The following SYNRG variants were observed in gnomAD, a reference collection of about 807,000 sequenced individuals.
SYNRG encodes the protein AP1 gamma subunit binding protein 1.
A neutral mutation model predicts 130.9 loss-of-function variants in SYNRG; 37 were observed. The observed-to-expected ratio is 0.28, with a 90% CI of 0.22 to 0.37. The LOEUF is 0.37. Ranked by LOEUF, SYNRG falls within the 10% of genes least tolerant of loss-of-function variation. The pLI is 1.00. For synonymous variants in SYNRG, 539 were observed against 568.1 expected, an observed-to-expected ratio of 0.95 and a Z score of 0.73; for missense variants, 1,338 against 1,588.9, an observed-to-expected ratio of 0.84 and a Z score of 2.68.
At chr17:37,533,673 C>T (rs113211788) in intron 19 of SYNRG, among the ~76,000 whole-genome samples, 15 of 148,864 alleles carry the variant, frequency 1.0e-4, no homozygotes, top group African/African-American at 2.7e-4. Context: ...CTGCAACCTC[C>T]GACTCCTGGG....
intron 11 of SYNRG, among the ~76,000 whole-genome samples, chr17:37,561,806 C>T (rs1415982773): frequency 6.6e-6 from 1 of 151,372 alleles, no homozygotes; most frequent in African/African-American, 2.4e-5. Flanking sequence ...ATTACCCAAA[C>T]AATCATTTTT....
rs2054324975 is a variant in SYNRG, at chr17:37,515,085, T to G, written c.*3855A>C. ...TAATGAGATGTCCCACATGAATACT[T>G]TTTAACCACTTACATTCACGTCAAC... On this transcript the variant is annotated 3_prime_UTR_variant, in exon 22 of 22. Transcript: ENST00000612223. The G allele has an allele frequency of 6.6e-6, 1 of 152,196 alleles. No homozygotes were observed. Among genetic ancestry groups the G allele is most frequent in the Admixed American group, 6.5e-5 (1 of 15,276 alleles). The allele number at this position is 152,196 out of a possible 1,614,324, so 9.4% of individuals were successfully genotyped here. A position where few individuals can be genotyped will look rare whatever the true frequency, so the allele number is the denominator to read the frequency against.
rs1461289215 is a variant in SYNRG at position 37,518,736 on chromosome 17, G to A, written c.*204C>T. On this transcript the variant is annotated 3_prime_UTR_variant, in exon 22 of 22. Transcript: ENST00000612223. Reference sequence around the variant, plus strand: ...GTAGAGATAAGTGAGCAAGCTTCTGGTGCCACGTGCAGTTTGGGTGGGACA... The same window carrying A: ...GTAGAGATAAGTGAGCAAGCTTCTGATGCCACGTGCAGTTTGGGTGGGACA... 6.6e-5 allele frequency: 35 copies of A among 530,564 alleles called. No homozygotes were observed. The highest frequency in any genetic ancestry group is 9.3e-5 in the Non-Finnish European group (29 of 311,288). 32.9% of individuals were successfully genotyped at this position (530,564 alleles called of 1,614,324 possible). A position where few individuals can be genotyped will look rare whatever the true frequency, so the allele number is the denominator to read the frequency against.
Position 37,571,764 on chromosome 17 carries a change from T to C in SYNRG, c.1098+27A>G, listed in dbSNP as rs754664039. Reference sequence around the variant, plus strand: ...TGCAATTTATATTAATAAAGTTATTTGATCTAACTTAAGAAACATTGTTTA... The same window carrying C: ...TGCAATTTATATTAATAAAGTTATTCGATCTAACTTAAGAAACATTGTTTA... On this transcript the variant is annotated intron_variant, in intron 9 of 21. Transcript: ENST00000612223. 5 of 1,570,668 alleles carry C rather than the reference T, an allele frequency of 3.2e-6. No individual in the cohort carries two copies. In the African/African-American group the frequency reaches 5.5e-5, roughly 17 times the overall value.
intron 19 of SYNRG, among the ~76,000 whole-genome samples, chr17:37,521,785 A>G (rs2055098071): frequency 6.6e-6 from 1 of 152,120 alleles, no homozygotes; most frequent in African/African-American, 2.4e-5. Flanking sequence ...CACGTGAAAG[A>G]GCTGACGAGG....
At chr17:37,557,626 C>G (rs530821957) in intron 13 of SYNRG, among the ~76,000 whole-genome samples, 1 of 152,276 alleles carries the variant, frequency 6.6e-6, no homozygotes, top group Admixed American at 6.5e-5. Context: ...CACTTGTAAT[C>G]CCAGCATTTT....
At chr17:37,533,518 G>C (rs191589045) in intron 19 of SYNRG, among the ~76,000 whole-genome samples, 2 of 151,244 alleles carry the variant, frequency 1.3e-5, no homozygotes, top group African/African-American at 4.9e-5. Flanking sequence ...AAGTGATAAG[G>C]GCTTGAATTA....
rs1387264578 is a variant in SYNRG at position 37,518,475 on chromosome 17, C to G, written c.*465G>C. ...CAGAACATCAGTTTAATCGCAATTT[C>G]CTCTTTTTATTCATTTCAGACATTA... On this transcript the variant is annotated 3_prime_UTR_variant, in exon 22 of 22. Coordinates refer to ENST00000612223, the MANE Select transcript of SYNRG (RefSeq NM_007247.6). 1 of 155,012 alleles carries G rather than the reference C, an allele frequency of 6.5e-6. No individual in the cohort carries two copies. Among genetic ancestry groups the G allele is most frequent in the Non-Finnish European group, 1.4e-5 (1 of 69,760 alleles). The allele number at this position is 155,012 out of a possible 1,614,324, so 9.6% of individuals were successfully genotyped here.
At chr17:37,582,220 T>C (rs2061392143) in intron 6 of SYNRG, among the ~76,000 whole-genome samples, 1 of 152,140 alleles carries the variant, frequency 6.6e-6, no homozygotes, top group African/African-American at 2.4e-5. Flanking sequence ...CATACTTCTT[T>C]CCTCTCTTTA....
Position 37,518,830 on chromosome 17 carries a change from T to A in SYNRG, c.*110A>T. On this transcript the variant is annotated 3_prime_UTR_variant, in exon 22 of 22. Coordinates refer to ENST00000612223, the MANE Select transcript of SYNRG (RefSeq NM_007247.6). ...GCCCCGTCCCTTGCGGTGTTCTTCA[T>A]ATCGATTCAGGGAAGCGAACTGTGC... 1 of 1,465,796 alleles carries A rather than the reference T, an allele frequency of 6.8e-7. No homozygotes were observed. Among genetic ancestry groups the A allele is most frequent in the Non-Finnish European group, 9.2e-7 (1 of 1,090,098 alleles). 90.8% of individuals were successfully genotyped at this position (1,465,796 alleles called of 1,614,324 possible).
intron 2 of SYNRG, among the ~76,000 whole-genome samples, chr17:37,598,954 T>C: frequency 6.6e-6 from 1 of 152,196 alleles, no homozygotes; most frequent in East Asian, 1.9e-4. Context: ...GCTTAAATAA[T>C]GCATAAATGT....
At chr17:37,565,918 G>T (rs2059932111) in intron 11 of SYNRG, among the ~76,000 whole-genome samples, 1 of 147,492 alleles carries the variant, frequency 6.8e-6, no homozygotes, top group African/African-American at 2.7e-5. Flanking sequence ...GAGGTGGGGG[G>T]GTCAGCCCCC....
intron 1 of SYNRG, among the ~76,000 whole-genome samples, chr17:37,607,887 C>T (rs2063903165): frequency 7.4e-6 from 1 of 134,882 alleles, no homozygotes; most frequent in South Asian, 2.4e-4. Context: ...ACCCAGGAGG[C>T]AGAGGTTGCA....
At chr17:37,529,889 T>C in intron 19 of SYNRG, 1 of 1,541,210 alleles carries the variant, frequency 6.5e-7, no homozygotes, top group Non-Finnish European at 8.8e-7. Flanking sequence ...TTGGGGGTTG[T>C]ATAGAAATCT....
intron 4 of SYNRG, 120 bp from the exon 5 acceptor site, chr17:37,585,550 G>T: frequency 1.5e-6 from 1 of 650,806 alleles, no homozygotes; most frequent in Non-Finnish European, 2.6e-6. Context: ...AAATTTCATT[G>T]CTAAATATCT....
At chr17:37,576,766 T>G (rs932727579) in intron 7 of SYNRG, among the ~76,000 whole-genome samples, 1 of 152,204 alleles carries the variant, frequency 6.6e-6, no homozygotes, top group African/African-American at 2.4e-5. Flanking sequence ...AATATTTAAT[T>G]GTCCAAGCTT....
At chr17:37,578,235 GCAGGAGAATCACTTGAACC>G (rs1374292256) in intron 6 of SYNRG, among the ~76,000 whole-genome samples, 1 of 151,884 alleles carries the variant, frequency 6.6e-6, no homozygotes, top group African/African-American at 2.4e-5. Flanking sequence ...GGAGGCTGAG[GCAGGAGAATCACTTGAACC>G]CAGGAGGCGG....
intron 19 of SYNRG, among the ~76,000 whole-genome samples, chr17:37,522,157 A>ACACACACACACACACACACACACAC (rs1568245884): frequency 5.3e-5 from 8 of 151,168 alleles, no homozygotes; most frequent in Admixed American, 1.3e-4. Context: ...ACACACACAC[A>ACACACACACACACACACACACACAC]ATGGTTAAAA....
chr17:37,527,973 T>TG, intron 19 of SYNRG, among the ~76,000 whole-genome samples: 1 of 152,332 alleles, frequency 6.6e-6, no homozygotes, highest in Admixed American at 6.5e-5. Context: ...GAGAAAGTGA[T>TG]GCAGCTGTCT....
Sources: gnomAD v4.1 joint callset for allele counts (sites outside exome capture counted in the v4.1 genomes callset) on GRCh38, gnomAD v4.1.1 for gene constraint, MANE v1.5 for transcripts, NCBI Gene and HGNC (gene_info 2026-07-23, HGNC 2026-07-21) for gene names.